The following MICAL2 variants were observed in gnomAD, a reference collection of about 807,000 sequenced individuals.
MICAL2 encodes microtubule associated monooxygenase, calponin and LIM domain containing 2, also known as [F-actin]-monooxygenase MICAL2.
Under a neutral mutation model 127.3 loss-of-function variants are expected in MICAL2, and 77 were observed. That is an observed-to-expected ratio of 0.60 (90% confidence interval 0.50 to 0.73). The LOEUF (loss-of-function observed/expected upper bound fraction) is 0.73. MICAL2 is among the 30% of genes least tolerant of loss of function. MICAL2 has a pLI of 0.00. For missense variants in MICAL2, 1,351 were observed against 1,434.4 expected, an observed-to-expected ratio of 0.94 and a Z score of 0.94; for synonymous variants, 570 against 551.1, an observed-to-expected ratio of 1.03 and a Z score of -0.48.
At chr11:12,338,432 T>A (rs1938803797) in intron 32 of MICAL2, among the ~76,000 whole-genome samples, 1 of 152,246 alleles carries the variant, frequency 6.6e-6, no homozygotes, top group African/African-American at 2.4e-5. Flanking sequence ...TGTCTTTTAA[T>A]TGGCGCATTT....
At chr11:12,226,454 T>C in intron 14 of MICAL2, 84 bp downstream of exon 14, 1 of 1,381,546 alleles carries the variant, frequency 7.2e-7, no homozygotes, top group Non-Finnish European at 1.0e-6. Flanking sequence ...TAACACTGTA[T>C]GGTCTGTTCT....
At chr11:12,348,249 A>G (rs1360524975) in intron 32 of MICAL2, among the ~76,000 whole-genome samples, 6 of 152,070 alleles carry the variant, frequency 3.9e-5, no homozygotes, top group African/African-American at 7.2e-5. Flanking sequence ...CACCATACCA[A>G]ACACAATGCC....
At chr11:12,258,984 A>T (rs1666801069) in intron 25 of MICAL2, among the ~76,000 whole-genome samples, 2 of 152,234 alleles carry the variant, frequency 1.3e-5, no homozygotes, top group South Asian at 4.1e-4. Context: ...CAACAAAGTG[A>T]CCAGCCCACT....
At chr11:12,213,940 G>A (rs1186718983) in intron 7 of MICAL2, among the ~76,000 whole-genome samples, 1 of 152,158 alleles carries the variant, frequency 6.6e-6, no homozygotes, top group Admixed American at 6.5e-5. Context: ...GGCACCAGTT[G>A]TCACCCAGCC....
At chr11:12,267,213 GA>G (rs139008705), downstream of MICAL2, among the ~76,000 whole-genome samples, 1,317 of 152,282 alleles carry the variant, frequency 8.6e-3, 14 homozygotes, top group Non-Finnish European at 0.013. Flanking sequence ...TCTCAGCAAG[GA>G]GGGGGCATAG....
At chr11:12,198,912 C>T (rs943604501) in intron 3 of MICAL2, among the ~76,000 whole-genome samples, 8 of 152,212 alleles carry the variant, frequency 5.3e-5, no homozygotes, top group African/African-American at 1.9e-4. Flanking sequence ...CCTTGCAGAG[C>T]CCCTGTGAAC....
chr11:12,193,671 C>T (rs145897270), intron 3 of MICAL2, among the ~76,000 whole-genome samples: 1 of 152,320 alleles, frequency 6.6e-6, no homozygotes, highest in Non-Finnish European at 1.5e-5. Context: ...CAGCTCCACC[C>T]TTTATCAGCT....
At chr11:12,191,039 T>C (rs967667839) in intron 3 of MICAL2, among the ~76,000 whole-genome samples, 3 of 152,208 alleles carry the variant, frequency 2.0e-5, no homozygotes, top group Non-Finnish European at 2.9e-5. Flanking sequence ...ATTTGGCAAA[T>C]ATTTATCAGT....
intron 32 of MICAL2, among the ~76,000 whole-genome samples, chr11:12,340,758 A>G (rs1938850576): frequency 6.6e-6 from 1 of 152,254 alleles, no homozygotes; most frequent in African/African-American, 2.4e-5. Context: ...TGAATTTAAA[A>G]CAAGCAAGTT....
intron 26 of MICAL2, chr11:12,261,776 G>A (rs911151666): frequency 4.1e-5 from 40 of 985,318 alleles, no homozygotes; most frequent in Admixed American, 1.2e-4. Context: ...GGGAACTGGC[G>A]CCTCTGTCCT....
chr11:12,323,320 C>T (rs1864320898), intron 30 of MICAL2, among the ~76,000 whole-genome samples: 2 of 152,098 alleles, frequency 1.3e-5, no homozygotes, highest in South Asian at 4.1e-4. Flanking sequence ...ATGCTTCCCT[C>T]AAGCCAAAAA....
downstream of MICAL2, among the ~76,000 whole-genome samples, chr11:12,290,541 C>A (rs920670718): frequency 2.9e-5 from 4 of 138,632 alleles, no homozygotes; most frequent in African/African-American, 8.4e-5. Context: ...AGGACAAGAA[C>A]GGGAAGCAAG....
chr11:12,250,240 C>A (rs538040201), intron 22 of MICAL2: 42 of 152,342 alleles, frequency 2.8e-4, no homozygotes, highest in African/African-American at 8.9e-4. Context: ...TGCAAAGCTG[C>A]ACAAACGGCC....
At chr11:12,294,096 G>A (rs372024097), downstream of MICAL2, 99 of 1,614,094 alleles carry the variant, frequency 6.1e-5, no homozygotes, top group Middle Eastern at 1.6e-4. Flanking sequence ...AGAGGAGGCC[G>A]TGTGCTAAAA....
intron 3 of MICAL2, among the ~76,000 whole-genome samples, chr11:12,176,207 C>A (rs77876855): frequency 0.019 from 2,936 of 152,262 alleles, 84 homozygotes; most frequent in African/African-American, 0.065. Context: ...AAGGTTAGGG[C>A]AGACTTGGCC....
chr11:12,284,606 C>A (rs1405213881), intron 2 of MICAL2, among the ~76,000 whole-genome samples: 1 of 151,984 alleles, frequency 6.6e-6, no homozygotes, highest in Non-Finnish European at 1.5e-5. Flanking sequence ...GCAATTAGAG[C>A]TTTATGCAAT....
At chr11:12,131,815 C>A (rs1851441262) in intron 1 of MICAL2, among the ~76,000 whole-genome samples, 1 of 152,174 alleles carries the variant, frequency 6.6e-6, no homozygotes, top group African/African-American at 2.4e-5. Context: ...CTCATTTTCT[C>A]ATTTGAGATT....
At chr11:12,220,838 G>A (rs1428336778) in intron 9 of MICAL2, among the ~76,000 whole-genome samples, 2 of 152,252 alleles carry the variant, frequency 1.3e-5, no homozygotes, top group Non-Finnish European at 2.9e-5. Flanking sequence ...ATCACACGGA[G>A]TGCAGGAGAG....
chr11:12,249,196 C>T lies in MICAL2; in HGVS notation c.2797C>T (p.Pro933Ser), dbSNP rs1380350357. 8 of 1,613,804 alleles carry T rather than the reference C, an allele frequency of 5.0e-6. No individual in the cohort carries two copies. In the Admixed American group the frequency reaches 6.7e-5, roughly 13 times the overall value. The change falls in exon 22 of 28, where the codon CCT (proline) becomes TCT (serine). Residue 933 changes from proline (P) to serine (S), a missense_variant. Pro to Ser is a moderately conservative substitution (Grantham distance 74). Around this residue, in one of 2 missense-constraint regions of MICAL2, gnomAD observed 752 missense variants for 719.4 expected, o/e 1.05. Coordinates refer to ENST00000683283, the MANE Select transcript of MICAL2 (RefSeq NM_001282663.2). ...TCTCTTTCTAAAGGAAAAGAAGTCACCTTCAGGGTTCCATTTTCATCCCAG... is the reference window on the plus strand; with the variant it reads ...TCTCTTTCTAAAGGAAAAGAAGTCATCTTCAGGGTTCCATTTTCATCCCAG... The part of the protein sequence containing the change: ...ASPARKEKKS[P>S]SGFHFHPSHL...
Sources: allele counts gnomAD v4.1 joint callset (sites outside exome capture counted in the v4.1 genomes callset), GRCh38; gene constraint gnomAD v4.1.1; regional missense constraint gnomAD v4.1.1; transcripts MANE v1.5; gene names NCBI Gene and HGNC (gene_info 2026-07-23, HGNC 2026-07-21).